The following SLC25A48 variants were observed in gnomAD, a reference collection of about 807,000 sequenced individuals.
The protein encoded by SLC25A48 is solute carrier family 25 member 48.
In SLC25A48, 29 loss-of-function variants were observed where a neutral mutation model predicts 32.2. That is an observed-to-expected ratio of 0.90 (90% CI 0.67 to 1.23). The LOEUF (loss-of-function observed/expected upper bound fraction) is 1.23. Among genes scored for constraint, SLC25A48 ranks in the 50% most tolerant of loss-of-function variants. The pLI is 0.00. For synonymous variants in SLC25A48, 164 were observed against 172.3 expected (o/e 0.95, Z 0.38); for missense variants, 399 against 422.7 (o/e 0.94, Z 0.49).
At chr5:135,650,490 T>G in intron 3 of SLC25A48, 1 of 455,328 alleles carries the variant, frequency 2.2e-6, no homozygotes, top group South Asian at 1.6e-5. Flanking sequence ...GGGTGCTGCC[T>G]TGGAGAAGGA....
At chr5:135,762,840 A>G (rs913696807) in intron 3 of SLC25A48, among the ~76,000 whole-genome samples, 1 of 152,032 alleles carries the variant, frequency 6.6e-6, no homozygotes, top group African/African-American at 2.4e-5. Flanking sequence ...GTGAGTTTGT[A>G]AAAGAATCAG....
chr5:135,750,276 T>C (rs1480963286), intron 3 of SLC25A48, among the ~76,000 whole-genome samples: 1 of 152,142 alleles, frequency 6.6e-6, no homozygotes, highest in African/African-American at 2.4e-5. Context: ...GTCACCCCAA[T>C]ATGTAATGGT....
At chr5:135,704,662 T>G (rs1754467935) in intron 3 of SLC25A48, among the ~76,000 whole-genome samples, 1 of 152,212 alleles carries the variant, frequency 6.6e-6, no homozygotes, top group African/African-American at 2.4e-5. Context: ...ATCTCTCTAG[T>G]AAGTCTTGGG....
chr5:135,731,118 G>A (rs1033518756), intron 3 of SLC25A48, among the ~76,000 whole-genome samples: 1 of 152,108 alleles, frequency 6.6e-6, no homozygotes, highest in Non-Finnish European at 1.5e-5. Flanking sequence ...GGAGATAGGG[G>A]TGGGGCCATT....
chr5:135,632,323 A>G (rs542935513), intron 2 of SLC25A48, among the ~76,000 whole-genome samples: 13 of 152,308 alleles, frequency 8.5e-5, no homozygotes, highest in African/African-American at 3.1e-4. Context: ...AGAGAAGGGA[A>G]CCTGGAGGCA....
At chr5:135,607,510 C>A (rs892481664) in intron 1 of SLC25A48, among the ~76,000 whole-genome samples, 3 of 152,166 alleles carry the variant, frequency 2.0e-5, no homozygotes, top group Non-Finnish European at 4.4e-5. Flanking sequence ...ATTCTTACCT[C>A]TAGGAGGAGA....
intron 3 of SLC25A48, among the ~76,000 whole-genome samples, chr5:135,762,844 G>T (rs945206317): frequency 6.6e-6 from 1 of 152,030 alleles, no homozygotes; most frequent in African/African-American, 2.4e-5. Context: ...GTTTGTAAAA[G>T]AATCAGTGGG....
chr5:135,608,507 G>T (rs1183389383), intron 1 of SLC25A48, among the ~76,000 whole-genome samples: 1 of 152,222 alleles, frequency 6.6e-6, no homozygotes, highest in Non-Finnish European at 1.5e-5. Context: ...AGCCAATGAG[G>T]TGGTCCCAGA....
chr5:135,853,331 C>T (rs1453298934), intron 4 of SLC25A48, among the ~76,000 whole-genome samples: 4 of 152,184 alleles, frequency 2.6e-5, no homozygotes, highest in Admixed American at 2.6e-4. Context: ...GACTTCCTTT[C>T]ACCAAAGTTT....
rs544443508 is a variant in SLC25A48 at position 135,665,467 on chromosome 5, T to G, written c.-521+30511T>G. Among the ~76,000 whole-genome samples, 27 of 152,210 alleles carry G rather than the reference T, an allele frequency of 1.8e-4. No individual in the cohort carries two copies. In the East Asian group the frequency reaches 5.0e-3, roughly 28 times the overall value. On this transcript the variant is annotated intron_variant, in intron 3 of 10. Coordinates refer to the SLC25A48 transcript ENST00000646290. Reference sequence around the variant, plus strand: ...ATTTATTTTTGTTTATTTTATTTTATTTTTTGCATTTGCTTTGGGGTCTTA... The same window carrying G: ...ATTTATTTTTGTTTATTTTATTTTAGTTTTTGCATTTGCTTTGGGGTCTTA...
intron 4 of SLC25A48, among the ~76,000 whole-genome samples, chr5:135,871,241 C>T (rs1162247528): frequency 1.3e-5 from 2 of 152,144 alleles, no homozygotes; most frequent in Non-Finnish European, 2.9e-5. Context: ...TGTTCTATCA[C>T]GTGGCTGAGA....
In SLC25A48 at chr5:135,681,482, TA is replaced by T. The variant is rs540560891; in HGVS notation, c.-521+46528del. On this transcript the variant is annotated intron_variant, in intron 3 of 10. Coordinates refer to the SLC25A48 transcript ENST00000646290. ...TCTATCTTCTAGAACACAGAGAATG[TA>T]ATGGTAATAACCTTTTAAATGTTCT... is the stretch of plus-strand genomic sequence containing the variant. Among the ~76,000 whole-genome samples the T allele has an allele frequency of 3.7e-3, 558 of 152,374 alleles. 5 individuals carry two copies. Among genetic ancestry groups the T allele is most frequent in the African/African-American group, 0.013 (531 of 41,586 alleles).
At chr5:135,615,244 A>G (rs748559850) in intron 1 of SLC25A48, among the ~76,000 whole-genome samples, 4 of 152,244 alleles carry the variant, frequency 2.6e-5, no homozygotes, top group Non-Finnish European at 5.9e-5. Context: ...AAATAGGAAG[A>G]TGAGGGAAAG....
Position 135,836,970 on chromosome 5 carries a change from ACC to A in SLC25A48, c.46+2088_46+2089del, listed in dbSNP as rs764093952. On this transcript the variant is annotated intron_variant, in intron 1 of 7. Coordinates refer to ENST00000681962, the MANE Select transcript of SLC25A48 (RefSeq NM_001349336.2). ...TTTTTTTGATATTATCCCCCCCCCC[ACC>A]CCCCCCCCCCACACACACACACATT... 2.1e-3 allele frequency among the ~76,000 whole-genome samples: 230 copies of A among 111,730 alleles called. 5 individuals carry two copies. The highest frequency in any genetic ancestry group is 0.011 in the African/African-American group (217 of 19,976). 73.3% of individuals were successfully genotyped at this position (111,730 alleles called of 152,430 possible). A position where few individuals can be genotyped will look rare whatever the true frequency, so the allele number is the denominator to read the frequency against.
intron 6 of SLC25A48, among the ~76,000 whole-genome samples, chr5:135,877,192 T>A (rs1762126280): frequency 6.6e-6 from 1 of 152,150 alleles, no homozygotes. Context: ...CTGGTAGTTT[T>A]GGAGCCATTC....
At chr5:135,825,221 C>A (rs1758005768) in intron 4 of SLC25A48, 1 of 152,156 alleles carries the variant, frequency 6.6e-6, no homozygotes, top group Non-Finnish European at 1.5e-5. Context: ...CTCATTTAAT[C>A]CTAATAGTAA....
chr5:135,765,561 G>C (rs1052957743), intron 3 of SLC25A48, among the ~76,000 whole-genome samples: 1 of 151,028 alleles, frequency 6.6e-6, no homozygotes. Context: ...TATCCAGGGG[G>C]AAAAGGGTGA....
chr5:135,745,773 C>T (rs994865784), intron 3 of SLC25A48, among the ~76,000 whole-genome samples: 8 of 152,182 alleles, frequency 5.3e-5, no homozygotes, highest in Non-Finnish European at 1.2e-4. Flanking sequence ...CCCAGCACAG[C>T]ACAGTACCTA....
intron 3 of SLC25A48, among the ~76,000 whole-genome samples, chr5:135,637,120 C>A (rs1344686971): frequency 6.6e-6 from 1 of 152,232 alleles, no homozygotes; most frequent in Non-Finnish European, 1.5e-5. Context: ...GACCCTGTCT[C>A]TGGCCTTCAG....
Sources: allele counts gnomAD v4.1 joint callset (sites outside exome capture counted in the v4.1 genomes callset), GRCh38; gene constraint gnomAD v4.1.1; transcripts MANE v1.5; gene names NCBI Gene and HGNC (gene_info 2026-07-23, HGNC 2026-07-21).